The following TP73 variants were observed in gnomAD, a reference collection of about 807,000 sequenced individuals.
TP73 encodes the protein tumor protein p73.
Under a neutral mutation model 62.5 loss-of-function variants are expected in TP73, and 25 were observed. That is an observed-to-expected ratio of 0.40 (90% CI 0.29 to 0.56). TP73 has a LOEUF of 0.56. TP73 is among the 20% of genes least tolerant of loss of function. The probability of loss-of-function intolerance (pLI) is 0.46; values close to 1 mark genes in which losing one functional copy is unlikely to be tolerated. For synonymous variants in TP73, 423 were observed against 377.5 expected (o/e 1.12, Z -1.40); for missense variants, 754 against 913.3 (o/e 0.83, Z 2.25).
chr1:3,719,899 T>TGG (rs1476673558), intron 4 of TP73, among the ~76,000 whole-genome samples: 3 of 136,270 alleles, frequency 2.2e-5, no homozygotes, highest in African/African-American at 8.4e-5. Flanking sequence ...TTTGTGTGTG[T>TGG]GTGTGTGTGT....
At chr1:3,656,719 C>CA (rs1323222418) in intron 1 of TP73, among the ~76,000 whole-genome samples, 1 of 152,236 alleles carries the variant, frequency 6.6e-6, no homozygotes, top group Non-Finnish European at 1.5e-5. Flanking sequence ...GGCCCCCAGA[C>CA]ACCTAGGACC....
In TP73 at chr1:3,699,395, T is replaced by C. The variant is rs1638965839; in HGVS notation, c.187-8154T>C. The stretch of plus-strand genomic sequence containing the variant: ...AAAAACCACAACAGTCTGGTCTCAA[T>C]ATTCTCCAGGGAACGAGGACACGGA... On this transcript the variant is annotated intron_variant, in intron 3 of 13. Transcript: ENST00000378295. The surrounding 1 kb of genome is among the most constrained non-coding windows in gnomAD (Gnocchi z 4.1). 1.3e-5 allele frequency among the ~76,000 whole-genome samples: 2 copies of C among 152,102 alleles called. No individual in the cohort carries two copies. Among genetic ancestry groups the C allele is most frequent in the African/African-American group, 2.4e-5 (1 of 41,408 alleles).
intron 4 of TP73, among the ~76,000 whole-genome samples, chr1:3,710,098 G>A (rs1320500605): frequency 6.6e-6 from 1 of 151,568 alleles, no homozygotes; most frequent in Non-Finnish European, 1.5e-5. Flanking sequence ...TCCCGGGCTG[G>A]TCAGCTGCAC....
chr1:3,686,900 C>T (rs187884743), intron 3 of TP73, among the ~76,000 whole-genome samples: 8 of 152,294 alleles, frequency 5.3e-5, no homozygotes, highest in East Asian at 3.9e-4. Context: ...AAGTCACCCA[C>T]GATGTGAGGA....
chr1:3,679,378 C>T (rs377470271), intron 1 of TP73, among the ~76,000 whole-genome samples: 2 of 152,198 alleles, frequency 1.3e-5, no homozygotes, highest in Non-Finnish European at 2.9e-5. Flanking sequence ...AGTAGGGGTG[C>T]GGCGGGATGC....
chr1:3,677,965 A>G (rs140172161), intron 1 of TP73, among the ~76,000 whole-genome samples: 119 of 152,228 alleles, frequency 7.8e-4, no homozygotes, highest in Middle Eastern at 3.4e-3. Context: ...TTGGCCTCCT[A>G]AAGTGTTGGG....
Position 3,708,173 on chromosome 1 carries a change from GCCC to G in TP73, c.429+383_429+385del, listed in dbSNP as rs548209178. ...GCCAAGAGTTGTCTGTCCGAGACAG[GCCC>G]ACAGCCCTAGGGTCTGCAGAACCTG... On this transcript the variant is annotated intron_variant, in intron 4 of 13. Coordinates refer to ENST00000378295, the MANE Select transcript of TP73 (RefSeq NM_005427.4). 1.3e-3 allele frequency: 387 copies of G among 292,854 alleles called. 1 individual carries two copies. The highest frequency in any genetic ancestry group is 7.8e-3 in the African/African-American group (365 of 46,994). 18.1% of individuals were successfully genotyped at this position (292,854 alleles called of 1,614,324 possible). A position where few individuals can be genotyped will look rare whatever the true frequency, so the allele number is the denominator to read the frequency against.
intron 7 of TP73, 53 bp downstream of exon 7, chr1:3,727,277 C>G: frequency 2.0e-6 from 3 of 1,536,298 alleles, no homozygotes; most frequent in South Asian, 1.2e-5. Flanking sequence ...CAGGCACGGC[C>G]GGGGGAGAAG....
intron 4 of TP73, among the ~76,000 whole-genome samples, chr1:3,708,710 G>A (rs977416207): frequency 4.6e-5 from 7 of 152,172 alleles, no homozygotes; most frequent in Non-Finnish European, 8.8e-5. Context: ...TGGAGGGCAC[G>A]CAGGGGCTGG....
In TP73 at chr1:3,732,923, C is replaced by T. The variant is rs373711960; in HGVS notation, c.1755C>T (p.Ala585=). The T allele has an allele frequency of 2.3e-5, 37 of 1,610,584 alleles. No homozygotes were observed. In the East Asian group the frequency reaches 2.7e-4, roughly 12 times the overall value. ...GELQRQRVME[A]VHFRVRHTIT... ...TGCAGCGCCAGCGGGTCATGGAGGCCGTGCACTTCCGCGTGCGCCACACCA... is the reference window on the plus strand; with the variant it reads ...TGCAGCGCCAGCGGGTCATGGAGGCTGTGCACTTCCGCGTGCGCCACACCA... Residue 585 remains alanine, a synonymous_variant, in exon 14 of 14, where the codon GCC becomes GCT. Transcript: ENST00000378295.
chr1:3,723,394 C>T lies in TP73; in HGVS notation c.657C>T (p.Gly219=). 3 of 1,612,618 alleles carry T rather than the reference C, an allele frequency of 1.9e-6. No homozygotes were observed. The South Asian group carries it at 3.3e-5, about 18-fold the overall frequency. ...APASHLIRVE[G]NNLSQYVDDP... ...CCAGCCACCTCATCCGCGTGGAAGG[C>T]AATAATCTCTCGCAGTATGTGGATG... The change falls in exon 6 of 14, where the codon GGC becomes GGT. Residue 219 remains glycine (G), a synonymous_variant. Coordinates refer to ENST00000378295, the MANE Select transcript of TP73 (RefSeq NM_005427.4).
intron 3 of TP73, among the ~76,000 whole-genome samples, chr1:3,689,308 G>A (rs1645747446): frequency 6.6e-6 from 1 of 152,206 alleles, no homozygotes; most frequent in Non-Finnish European, 1.5e-5. Context: ...AGACAAAACT[G>A]TCTTTTTCTC....
chr1:3,700,427 T>C (rs1055280732), intron 3 of TP73, among the ~76,000 whole-genome samples: 1 of 151,942 alleles, frequency 6.6e-6, no homozygotes, highest in Non-Finnish European at 1.5e-5. Flanking sequence ...TAAAAGGCAC[T>C]GTGGATACCG....
At chr1:3,731,322 C>T (rs1265066701) in intron 12 of TP73, 141 bp from the exon 13 acceptor site, 2 of 960,780 alleles carry the variant, frequency 2.1e-6, no homozygotes, top group Non-Finnish European at 3.1e-6. Context: ...CTGAGGGATG[C>T]CGTGGCCACC....
chr1:3,703,916 C>T (rs1301237771), intron 3 of TP73, among the ~76,000 whole-genome samples: 1 of 152,198 alleles, frequency 6.6e-6, no homozygotes, highest in Non-Finnish European at 1.5e-5. Context: ...ACAGGGAAGA[C>T]CTTTCCAGGA....
At chr1:3,695,358 T>A (rs1638539451) in intron 3 of TP73, among the ~76,000 whole-genome samples, 1 of 152,118 alleles carries the variant, frequency 6.6e-6, no homozygotes, top group African/African-American at 2.4e-5. Context: ...TCTCAGGAGG[T>A]TAGCCAGGGT....
chr1:3,733,313 T>C lies in TP73; in HGVS notation c.*234T>C, dbSNP rs1019393270. ...GAACCTTCTGGAGCTGCCCTAGTGC[T>C]GGGCTTGTGGGGCGGGGGCTGGCCC... On this transcript the variant is annotated 3_prime_UTR_variant, in exon 14 of 14. Transcript: ENST00000378295. 1.2e-5 allele frequency: 7 copies of C among 587,766 alleles called. No homozygotes were observed. Among genetic ancestry groups the C allele is most frequent in the Non-Finnish European group, 1.8e-5 (6 of 335,242 alleles). 36.4% of individuals were successfully genotyped at this position (587,766 alleles called of 1,614,324 possible). A position where few individuals can be genotyped will look rare whatever the true frequency, so the allele number is the denominator to read the frequency against.
intron 1 of TP73, among the ~76,000 whole-genome samples, chr1:3,660,652 C>G (rs1011129591): frequency 1.8e-4 from 27 of 152,196 alleles, no homozygotes; most frequent in African/African-American, 6.3e-4. Context: ...TCTTCATTTA[C>G]ATTCTGGAAA....
chr1:3,704,272 C>T (rs372638078), intron 3 of TP73, among the ~76,000 whole-genome samples: 3 of 152,186 alleles, frequency 2.0e-5, no homozygotes, highest in African/African-American at 4.8e-5. Context: ...TAACTGTGAT[C>T]GTTTCAGCCT....
Sources: allele counts gnomAD v4.1 joint callset (sites outside exome capture counted in the v4.1 genomes callset), GRCh38; gene constraint gnomAD v4.1.1; non-coding constraint Gnocchi (gnomAD v3.1); transcripts MANE v1.5; gene names NCBI Gene and HGNC (gene_info 2026-07-23, HGNC 2026-07-21).